TBC1D5: variants seen among roughly 807,000 people sequenced by gnomAD.
TBC1D5 encodes the protein TBC1 domain family member 5.
TBC1D5 carries 75 observed loss-of-function variants against 100.3 expected under a neutral mutation model. The observed-to-expected ratio is 0.75, with a 90% CI of 0.62 to 0.91. The LOEUF is 0.91. TBC1D5 is among the 40% of genes least tolerant of loss of function. The probability of loss-of-function intolerance (pLI) is 0.00; values close to 1 mark genes in which losing one functional copy is unlikely to be tolerated. For synonymous variants in TBC1D5, 323 were observed against 325.6 expected (o/e 0.99, Z 0.09); for missense variants, 910 against 942.4 (o/e 0.97, Z 0.45).
At position 17,682,951 on chromosome 3, in the gene TBC1D5, T is replaced by A. The variant is rs964327336; in HGVS notation, c.-101+56392A>T. ...AATTCATCTGTTCTCAGAGGTGCTC[T>A]GAATATTTAAGACCCAGGATGGAGG... On this transcript the variant is annotated intron_variant, in intron 1 of 21. Coordinates refer to ENST00000253692, the Ensembl canonical transcript of TBC1D5. 3.3e-5 allele frequency among the ~76,000 whole-genome samples: 5 copies of A among 151,628 alleles called. No homozygotes were observed. The South Asian group carries it at 1.0e-3, about 31-fold the overall frequency.
chr3:17,306,438 G>C (rs1176369902), intron 14 of TBC1D5, among the ~76,000 whole-genome samples: 1 of 152,142 alleles, frequency 6.6e-6, no homozygotes, highest in African/African-American at 2.4e-5. Context: ...ATTAAAATAA[G>C]TTGGGTTAAA....
intron 2 of TBC1D5, among the ~76,000 whole-genome samples, chr3:17,541,389 T>C (rs1469548120): frequency 6.6e-6 from 1 of 152,204 alleles, no homozygotes; most frequent in Non-Finnish European, 1.5e-5. Flanking sequence ...TTATTTTTTA[T>C]GGTTTTCATT....
chr3:17,170,745 G>A (rs1460302112), intron 19 of TBC1D5, among the ~76,000 whole-genome samples: 1 of 152,052 alleles, frequency 6.6e-6, no homozygotes, highest in African/African-American at 2.4e-5. Context: ...GGACCTAGAA[G>A]GCACTCAGAA....
chr3:17,470,920 C>A (rs1027227810), intron 3 of TBC1D5, among the ~76,000 whole-genome samples: 3 of 150,580 alleles, frequency 2.0e-5, no homozygotes, highest in African/African-American at 7.3e-5. Context: ...TAATCCATCT[C>A]AAAAAAAAAG....
Position 17,720,225 on chromosome 3 carries a change from G to C in TBC1D5, c.-101+19118C>G, listed in dbSNP as rs942232356. The stretch of plus-strand genomic sequence containing the variant: ...AGATAAATCAAGAAATGGCTGCTTT[G>C]TTTTCAATGTCTCTGTAACCTGAAA... On this transcript the variant is annotated intron_variant, in intron 1 of 21. Coordinates refer to ENST00000253692, the Ensembl canonical transcript of TBC1D5. 7.2e-5 allele frequency among the ~76,000 whole-genome samples: 11 copies of C among 152,122 alleles called. No homozygotes were observed. In the East Asian group the frequency reaches 2.1e-3, roughly 29 times the overall value.
At chr3:17,591,554 G>A (rs1444121338) in intron 2 of TBC1D5, among the ~76,000 whole-genome samples, 1 of 152,154 alleles carries the variant, frequency 6.6e-6, no homozygotes, top group Non-Finnish European at 1.5e-5. Flanking sequence ...AAACTTCATT[G>A]TGGTCCTCCA....
chr3:17,585,212 TTAAA>T (rs1454341440), intron 2 of TBC1D5, among the ~76,000 whole-genome samples: 2 of 152,162 alleles, frequency 1.3e-5, no homozygotes, highest in African/African-American at 4.8e-5. Context: ...GATACAAATG[TTAAA>T]TAAAATGGGA....
At chr3:17,321,320 T>G (rs1198579718) in intron 13 of TBC1D5, among the ~76,000 whole-genome samples, 1 of 152,264 alleles carries the variant, frequency 6.6e-6, no homozygotes, top group African/African-American at 2.4e-5. Context: ...GTGCTGAGAT[T>G]ACAGGTGTAT....
rs77498278 is a variant in TBC1D5, at chr3:17,387,652, G to C, written c.510-3637C>G. Reference sequence around the variant, plus strand: ...TTCCCTACCACTCATTACACTTCTAGGTTTTATTTACCCCTTGCTAGATGG... The same window carrying C: ...TTCCCTACCACTCATTACACTTCTACGTTTTATTTACCCCTTGCTAGATGG... On this transcript the variant is annotated intron_variant, in intron 8 of 21. Coordinates refer to ENST00000253692, the Ensembl canonical transcript of TBC1D5. 1.3e-3 allele frequency among the ~76,000 whole-genome samples: 199 copies of C among 151,756 alleles called. 1 individual carries two copies. The highest frequency in any genetic ancestry group is 2.3e-3 in the Non-Finnish European group (153 of 67,900).
At chr3:17,742,125 G>A (rs574016406), upstream of TBC1D5, among the ~76,000 whole-genome samples, 155 of 152,278 alleles carry the variant, frequency 1.0e-3, no homozygotes, top group African/African-American at 3.5e-3. Flanking sequence ...CCTGGGGCAG[G>A]GAAAGCAGGC....
At chr3:17,349,229 A>C (rs905306325) in intron 13 of TBC1D5, among the ~76,000 whole-genome samples, 1 of 152,194 alleles carries the variant, frequency 6.6e-6, no homozygotes, top group African/African-American at 2.4e-5. Context: ...TTTACTGTAC[A>C]TCAGAATCAC....
At chr3:17,310,189 T>C (rs2083862575) in intron 13 of TBC1D5, among the ~76,000 whole-genome samples, 1 of 152,110 alleles carries the variant, frequency 6.6e-6, no homozygotes, top group African/African-American at 2.4e-5. Flanking sequence ...TGCACCCTTC[T>C]TGACTCTGAA....
chr3:17,278,954 C>T (rs1337042463), intron 15 of TBC1D5, among the ~76,000 whole-genome samples: 1 of 152,120 alleles, frequency 6.6e-6, no homozygotes, highest in Non-Finnish European at 1.5e-5. Flanking sequence ...AAGTGACACA[C>T]TTAAATTATC....
chr3:17,380,493 T>C (rs1356947526), intron 9 of TBC1D5, among the ~76,000 whole-genome samples: 1 of 152,066 alleles, frequency 6.6e-6, no homozygotes, highest in African/African-American at 2.4e-5. Flanking sequence ...ATGAATTCAA[T>C]ATGCTACAAA....
chr3:17,622,365 C>A (rs1028800408), intron 2 of TBC1D5, among the ~76,000 whole-genome samples: 1 of 152,200 alleles, frequency 6.6e-6, no homozygotes, highest in African/African-American at 2.4e-5. Flanking sequence ...TCAGTTACTC[C>A]AATCCTCAAA....
intron 3 of TBC1D5, among the ~76,000 whole-genome samples, chr3:17,448,779 G>C (rs534281930): frequency 6.7e-6 from 1 of 148,898 alleles, no homozygotes; most frequent in South Asian, 2.1e-4. Context: ...AGTGAGAGGA[G>C]ATTTAATTAA....
intron 3 of TBC1D5, among the ~76,000 whole-genome samples, chr3:17,484,490 T>G (rs1008577252): frequency 3.0e-3 from 300 of 98,908 alleles, no homozygotes; most frequent in African/African-American, 9.7e-3. Flanking sequence ...GTGTGTGTGT[T>G]TGGGTAACAA....
chr3:17,644,298 C>G (rs2064810270), intron 1 of TBC1D5, among the ~76,000 whole-genome samples: 1 of 152,052 alleles, frequency 6.6e-6, no homozygotes, highest in Non-Finnish European at 1.5e-5. Flanking sequence ...ACACTGAGGT[C>G]AAAGAATGTC....
intron 3 of TBC1D5, among the ~76,000 whole-genome samples, chr3:17,467,428 G>C (rs2095320174): frequency 1.3e-5 from 2 of 151,848 alleles, no homozygotes; most frequent in African/African-American, 4.8e-5. Context: ...CCAAGGTCCA[G>C]GTTCAATCTA....
Sources: gnomAD v4.1 joint callset for allele counts (sites outside exome capture counted in the v4.1 genomes callset) on GRCh38, gnomAD v4.1.1 for gene constraint, MANE v1.5 for transcripts, NCBI Gene and HGNC (gene_info 2026-07-23, HGNC 2026-07-21) for gene names.